PHLPP1: variants seen among roughly 807,000 people sequenced by gnomAD.
PHLPP1 encodes the protein PH domain leucine-rich repeat-containing protein phosphatase 1.
PHLPP1 carries 42 observed loss-of-function variants against 117.2 expected under a neutral mutation model. The observed-to-expected ratio is 0.36, with a 90% CI of 0.28 to 0.46. The LOEUF (loss-of-function observed/expected upper bound fraction) is 0.46, where lower values mean the gene tolerates loss of function less well. PHLPP1 is among the 20% of genes least tolerant of loss of function. The probability of loss-of-function intolerance (pLI) is 1.00; values close to 1 mark genes in which losing one functional copy is unlikely to be tolerated. For missense variants in PHLPP1, 2,084 were observed against 2,241.9 expected, an observed-to-expected ratio of 0.93 and a Z score of 1.42; for synonymous variants, 1,042 against 970.7, an observed-to-expected ratio of 1.07 and a Z score of -1.37.
intron 10 of PHLPP1, among the ~76,000 whole-genome samples, chr18:62,934,598 T>C (rs1421660944): frequency 6.6e-6 from 1 of 152,202 alleles, no homozygotes; most frequent in Non-Finnish European, 1.5e-5. Context: ...TTTGAAAAAC[T>C]ACCTATTGGG....
In PHLPP1 at chr18:62,799,854, T is replaced by G. The variant is rs561564665; in HGVS notation, c.1577-30181T>G. On this transcript the variant is annotated intron_variant, in intron 1 of 16. Coordinates refer to ENST00000262719, the MANE Select transcript of PHLPP1 (RefSeq NM_194449.4). ...ATGTTCATTAAAACATTTTTCCTCTTTTTAACAAGTATAATAGTCAAGATC... is the reference window on the plus strand; with the variant it reads ...ATGTTCATTAAAACATTTTTCCTCTGTTTAACAAGTATAATAGTCAAGATC... Among the ~76,000 whole-genome samples the G allele has an allele frequency of 6.6e-4, 100 of 152,340 alleles. 1 individual carries two copies. Among genetic ancestry groups the G allele is most frequent in the Non-Finnish European group, 8.5e-4 (58 of 68,026 alleles).
intron 6 of PHLPP1, among the ~76,000 whole-genome samples, chr18:62,897,915 A>G (rs966714307): frequency 6.1e-5 from 9 of 146,400 alleles, no homozygotes; most frequent in Non-Finnish European, 1.2e-4. Flanking sequence ...TTTCCCTTTA[A>G]ATGGAAATGG....
intron 1 of PHLPP1, among the ~76,000 whole-genome samples, chr18:62,781,859 G>A (rs1913129124): frequency 6.6e-6 from 1 of 152,154 alleles, no homozygotes; most frequent in Admixed American, 6.5e-5. Context: ...GAATACATAT[G>A]AGAAATTTTT....
intron 1 of PHLPP1, among the ~76,000 whole-genome samples, chr18:62,781,799 A>G (rs1913127199): frequency 6.6e-6 from 1 of 152,132 alleles, no homozygotes; most frequent in Non-Finnish European, 1.5e-5. Context: ...ACTTTGATTT[A>G]TTGTATTTTC....
rs757475558 is a variant in PHLPP1 at position 62,905,324 on chromosome 18, A to G, written c.2708+40A>G. 2.3e-5 allele frequency: 25 copies of G among 1,091,120 alleles called. No homozygotes were observed. The African/African-American group carries it at 3.9e-4, about 17-fold the overall frequency. 67.6% of individuals were successfully genotyped at this position (1,091,120 alleles called of 1,614,324 possible). ...CTTAGAGCCCTCTAGAGTCTACTAG[A>G]AAATTATTTAGTAATTCTGTCTGAG... On this transcript the variant is annotated intron_variant, in intron 8 of 16. Transcript: ENST00000262719.
chr18:62,836,217 C>T (rs1162464882), intron 2 of PHLPP1, among the ~76,000 whole-genome samples: 8 of 151,296 alleles, frequency 5.3e-5, no homozygotes, highest in South Asian at 4.2e-4. Context: ...GGGTTGATCA[C>T]GAGGTCAGGA....
intron 1 of PHLPP1, among the ~76,000 whole-genome samples, chr18:62,717,773 A>G (rs1432914247): frequency 6.6e-6 from 1 of 152,098 alleles, no homozygotes; most frequent in Non-Finnish European, 1.5e-5. Context: ...CAGCTCTGCC[A>G]CACTCATAAA....
At chr18:62,826,745 G>A (rs974138695) in intron 1 of PHLPP1, among the ~76,000 whole-genome samples, 1 of 152,152 alleles carries the variant, frequency 6.6e-6, no homozygotes, top group African/African-American at 2.4e-5. Context: ...GTTCATGCCT[G>A]TAATCCCAGC....
intron 3 of PHLPP1, among the ~76,000 whole-genome samples, chr18:62,849,281 A>G (rs543494447): frequency 1.3e-5 from 2 of 152,220 alleles, no homozygotes; most frequent in Non-Finnish European, 2.9e-5. Context: ...TTTAGCGTAT[A>G]TGATTAACCA....
Position 62,884,100 on chromosome 18 carries a change from C to T in PHLPP1, c.2067-10911C>T, listed in dbSNP as rs116578497. Among the ~76,000 whole-genome samples the T allele has an allele frequency of 3.8e-3, 578 of 152,294 alleles. 2 individuals carry two copies. Among genetic ancestry groups the T allele is most frequent in the African/African-American group, 0.013 (550 of 41,564 alleles). On this transcript the variant is annotated intron_variant, in intron 4 of 16. Transcript: ENST00000262719. ...TGGAATACATTATGGTTCATTTGTACTCTGTGTATTATGCAGCTGTCAAAA... is the reference window on the plus strand; with the variant it reads ...TGGAATACATTATGGTTCATTTGTATTCTGTGTATTATGCAGCTGTCAAAA...
chr18:62,928,304 T>G (rs766379167), intron 10 of PHLPP1, among the ~76,000 whole-genome samples: 5 of 150,890 alleles, frequency 3.3e-5, no homozygotes, highest in Non-Finnish European at 7.4e-5. Flanking sequence ...GAAAGAACTC[T>G]TACAATTCAC....
At chr18:62,772,674 TAAAA>T (rs1181387279) in intron 1 of PHLPP1, among the ~76,000 whole-genome samples, 1 of 151,470 alleles carries the variant, frequency 6.6e-6, no homozygotes, top group Non-Finnish European at 1.5e-5. Flanking sequence ...TTACTAAAAA[TAAAA>T]AAATTAGCTG....
Position 62,895,130 on chromosome 18 carries a change from T to G in PHLPP1, c.2186T>G (p.Val729Gly). The G allele has an allele frequency of 6.2e-7, 1 of 1,613,864 alleles. No homozygotes were observed. The highest frequency in any genetic ancestry group is 8.5e-7 in the Non-Finnish European group (1 of 1,179,856). ...LNVSCNALRS[V>G]PAAVGVMHNL... ...GTGTCCTGCAATGCCCTGCGATCAG[T>G]CCCGGCAGCCGTTGGAGTGATGCAC... The change falls in exon 5 of 17, where the codon GTC (valine) becomes GGC (glycine). Residue 729 changes from valine (V) to glycine (G), a missense_variant. This residue lies in a region of PHLPP1 where 1,365 missense variants were observed against 1,605.9 expected (regional missense o/e 0.85). Coordinates refer to ENST00000262719, the MANE Select transcript of PHLPP1 (RefSeq NM_194449.4).
chr18:62,950,978 C>T (rs1324027681), intron 12 of PHLPP1, among the ~76,000 whole-genome samples: 1 of 151,494 alleles, frequency 6.6e-6, no homozygotes, highest in Non-Finnish European at 1.5e-5. Context: ...TTAACCCAGA[C>T]TAGTTTTTTT....
chr18:62,857,223 G>A (rs1331631966), intron 3 of PHLPP1, among the ~76,000 whole-genome samples: 1 of 152,100 alleles, frequency 6.6e-6, no homozygotes, highest in Non-Finnish European at 1.5e-5. Flanking sequence ...TGATCTCACG[G>A]TATATATTGC....
chr18:62,848,853 A>T (rs1318691648), intron 3 of PHLPP1, among the ~76,000 whole-genome samples: 2 of 152,218 alleles, frequency 1.3e-5, no homozygotes, highest in African/African-American at 2.4e-5. Context: ...TAAAGCGTTC[A>T]ATTACTGCTT....
chr18:62,876,561 T>C (rs1448816874), intron 4 of PHLPP1, among the ~76,000 whole-genome samples: 2 of 152,228 alleles, frequency 1.3e-5, no homozygotes, highest in African/African-American at 4.8e-5. Flanking sequence ...CTGAACTGAA[T>C]TGTTGGTTTT....
At chr18:62,737,210 G>C (rs1400034668) in intron 1 of PHLPP1, among the ~76,000 whole-genome samples, 2 of 152,176 alleles carry the variant, frequency 1.3e-5, no homozygotes, top group Admixed American at 1.3e-4. Context: ...CATGAAAAGG[G>C]CATGCCAGGT....
At chr18:62,770,750 G>A (rs1912737883) in intron 1 of PHLPP1, among the ~76,000 whole-genome samples, 1 of 151,526 alleles carries the variant, frequency 6.6e-6, no homozygotes, top group African/African-American at 2.4e-5. Flanking sequence ...TGGGGGGGGT[G>A]GGGAATATTT....
Sources: gnomAD v4.1 joint callset for allele counts (sites outside exome capture counted in the v4.1 genomes callset) on GRCh38, gnomAD v4.1.1 for gene constraint, gnomAD v4.1.1 regional missense constraint, MANE v1.5 for transcripts, NCBI Gene and HGNC (gene_info 2026-07-23, HGNC 2026-07-21) for gene names.